The following MAF variants were observed in gnomAD, a reference collection of about 807,000 sequenced individuals.
The protein encoded by MAF is MAF bZIP transcription factor, also known as transcription factor Maf.
Under a neutral mutation model 22.0 loss-of-function variants are expected in MAF, and 10 were observed. That is an observed-to-expected ratio of 0.45 (90% CI 0.28 to 0.77). MAF has a LOEUF of 0.77. MAF is among the 30% of genes least tolerant of loss of function. The pLI is 0.12. For synonymous variants in MAF, 337 were observed against 255.8 expected, an observed-to-expected ratio of 1.32 and a Z score of -3.03; for missense variants, 544 against 548.4, an observed-to-expected ratio of 0.99 and a Z score of 0.08.
At chr16:79,381,721 G>T in the MAF span, among the ~76,000 whole-genome samples, 9 of 152,158 alleles carry the variant, frequency 5.9e-5, no homozygotes, top group African/African-American at 1.9e-4. Flanking sequence ...ATTCCTTCTC[G>T]GTTACACTAT....
At chr16:79,564,714 G>T in the MAF span, among the ~76,000 whole-genome samples, 14 of 152,304 alleles carry the variant, frequency 9.2e-5, no homozygotes, top group Admixed American at 7.8e-4. Flanking sequence ...GTGGCTGTGG[G>T]GAAATCTGGC....
chr16:79,312,651 G>C, the MAF span, among the ~76,000 whole-genome samples: 1 of 152,248 alleles, frequency 6.6e-6, no homozygotes, highest in Admixed American at 6.5e-5. Context: ...AAACACGTCA[G>C]TTATCAAGGT....
the MAF span, among the ~76,000 whole-genome samples, chr16:79,404,969 T>A: frequency 6.6e-6 from 1 of 152,324 alleles, no homozygotes; most frequent in Non-Finnish European, 1.5e-5. Flanking sequence ...AGATTACAGA[T>A]GCTGTTGGTT....
chr16:79,210,471 G>C, the MAF span, among the ~76,000 whole-genome samples: 2 of 152,260 alleles, frequency 1.3e-5, no homozygotes, highest in African/African-American at 4.8e-5. Flanking sequence ...GGGTCGGGTC[G>C]GAAAGCCATT....
At chr16:79,473,531 G>A in the MAF span, among the ~76,000 whole-genome samples, 3 of 152,094 alleles carry the variant, frequency 2.0e-5, no homozygotes, top group East Asian at 3.9e-4. Flanking sequence ...AACAATGTCA[G>A]ATAAAATGGC....
chr16:79,419,923 A>T, the MAF span, among the ~76,000 whole-genome samples: 1 of 150,492 alleles, frequency 6.6e-6, no homozygotes, highest in African/African-American at 2.5e-5. Context: ...AAAAAAAAAA[A>T]TGTTTTCCAC....
the MAF span, among the ~76,000 whole-genome samples, chr16:79,525,916 C>G: frequency 6.6e-6 from 1 of 152,162 alleles, no homozygotes; most frequent in Admixed American, 6.5e-5. Flanking sequence ...TAAGTCAAAG[C>G]CCTAGAGGCC....
the MAF span, among the ~76,000 whole-genome samples, chr16:79,426,223 T>A: frequency 8.1e-6 from 1 of 123,272 alleles, no homozygotes; most frequent in Non-Finnish European, 1.7e-5. Context: ...AAAAAAAAAA[T>A]TAACATCTTC....
chr16:79,265,991 C>G, the MAF span, among the ~76,000 whole-genome samples: 3 of 152,156 alleles, frequency 2.0e-5, no homozygotes, highest in African/African-American at 7.2e-5. Flanking sequence ...TTCTCCTTCC[C>G]TTTTCTTCCC....
downstream of MAF, among the ~76,000 whole-genome samples, chr16:79,581,773 CTGATGATTAA>C (rs1912535147): frequency 6.6e-6 from 1 of 152,208 alleles, no homozygotes; most frequent in Non-Finnish European, 1.5e-5. Flanking sequence ...GCTCACCGTA[CTGATGATTAA>C]GTTGTACAAT....
At chr16:79,533,744 C>T in the MAF span, among the ~76,000 whole-genome samples, 1 of 152,246 alleles carries the variant, frequency 6.6e-6, no homozygotes, top group South Asian at 2.1e-4. Context: ...CCGCCACCTC[C>T]CAGTGACCTC....
the MAF span, among the ~76,000 whole-genome samples, chr16:79,364,449 G>A: frequency 1.3e-5 from 2 of 152,300 alleles, no homozygotes; most frequent in South Asian, 2.1e-4. Context: ...TGGGTGGGTG[G>A]CAGTGTCATC....
chr16:79,416,592 C>G, the MAF span, among the ~76,000 whole-genome samples: 3 of 151,706 alleles, frequency 2.0e-5, no homozygotes, highest in African/African-American at 7.3e-5. Context: ...AGGGAGTGGC[C>G]GTACCCCCAC....
the MAF span, among the ~76,000 whole-genome samples, chr16:79,298,318 C>T: frequency 6.6e-6 from 1 of 152,254 alleles, no homozygotes; most frequent in Admixed American, 6.5e-5. Flanking sequence ...TGTGTTTGCT[C>T]TGCTCCTGTC....
the MAF span, among the ~76,000 whole-genome samples, chr16:79,433,278 ATAT>A: frequency 0.015 from 1,834 of 119,648 alleles, 32 homozygotes; most frequent in African/African-American, 0.048. Flanking sequence ...AAAAAAAAAA[ATAT>A]ATATATATAT....
intron 1 of MAF, among the ~76,000 whole-genome samples, chr16:79,587,868 A>T (rs1368568042): frequency 2.5e-5 from 2 of 79,180 alleles, no homozygotes; most frequent in African/African-American, 9.3e-5. Flanking sequence ...TTACTTTCAA[A>T]AGGGGGGGGG....
chr16:79,553,454 G>A, the MAF span, among the ~76,000 whole-genome samples: 1 of 152,206 alleles, frequency 6.6e-6, no homozygotes, highest in Non-Finnish European at 1.5e-5. Flanking sequence ...CTGCTTTTGG[G>A]GGAGGCTTAG....
At chr16:79,212,027 C>G in the MAF span, 4 of 1,536,152 alleles carry the variant, frequency 2.6e-6, no homozygotes, top group South Asian at 2.4e-5. Context: ...TCTTTGCTTT[C>G]TGGTGGTGGC....
At chr16:79,258,036 C>T in the MAF span, among the ~76,000 whole-genome samples, 1 of 152,134 alleles carries the variant, frequency 6.6e-6, no homozygotes, top group African/African-American at 2.4e-5. Context: ...CTGTTAAGTA[C>T]AAATGGCCAG....
Sources: allele counts gnomAD v4.1 joint callset (sites outside exome capture counted in the v4.1 genomes callset), GRCh38; gene constraint gnomAD v4.1.1; transcripts MANE v1.5; gene names NCBI Gene and HGNC (gene_info 2026-07-23, HGNC 2026-07-21).